ADGRL2: variants seen among roughly 807,000 people sequenced by gnomAD.
ADGRL2 encodes calcium-independent alpha-latrotoxin receptor 2.
In ADGRL2, 44 loss-of-function variants were observed where a neutral mutation model predicts 157.4. The observed-to-expected ratio is 0.28, with a 90% CI of 0.22 to 0.36. The LOEUF is 0.36. Among genes scored for constraint, ADGRL2 ranks in the 10% least tolerant of loss-of-function variants. The probability of loss-of-function intolerance (pLI) is 1.00; values close to 1 mark genes in which losing one functional copy is unlikely to be tolerated. For synonymous variants in ADGRL2, 585 were observed against 624.7 expected (o/e 0.94, Z 0.95); for missense variants, 1,510 against 1,768.9 (o/e 0.85, Z 2.63).
At chr1:81,814,633 A>G (rs2090203604) in intron 1 of ADGRL2, among the ~76,000 whole-genome samples, 1 of 151,420 alleles carries the variant, frequency 6.6e-6, no homozygotes, top group Admixed American at 6.6e-5. Context: ...AGAAATTAAT[A>G]TTTTTATTTT....
chr1:81,909,248 T>C (rs935549023), intron 3 of ADGRL2, among the ~76,000 whole-genome samples: 1 of 152,124 alleles, frequency 6.6e-6, no homozygotes, highest in African/African-American at 2.4e-5. Context: ...TAGTATTTAG[T>C]TTTAAGAGTT....
intron 2 of ADGRL2, among the ~76,000 whole-genome samples, chr1:81,876,193 T>C (rs1197454821): frequency 1.3e-5 from 2 of 152,154 alleles, no homozygotes; most frequent in Non-Finnish European, 2.9e-5. Context: ...TGTAGAGTTT[T>C]TGATGCCTTG....
intron 1 of ADGRL2, among the ~76,000 whole-genome samples, chr1:81,363,272 C>A (rs2076008922): frequency 6.6e-6 from 1 of 151,998 alleles, no homozygotes; most frequent in Non-Finnish European, 1.5e-5. Context: ...GATATTTCAG[C>A]AATTCCCTAG....
intron 2 of ADGRL2, among the ~76,000 whole-genome samples, chr1:81,784,587 G>A (rs2086949814): frequency 6.6e-6 from 1 of 152,048 alleles, no homozygotes; most frequent in African/African-American, 2.4e-5. Flanking sequence ...AATTAGCAGG[G>A]CATGGTGGTG....
chr1:81,456,284 A>T (rs2077804765), intron 2 of ADGRL2, among the ~76,000 whole-genome samples: 1 of 152,098 alleles, frequency 6.6e-6, no homozygotes, highest in Admixed American at 6.6e-5. Flanking sequence ...CAGTGACATT[A>T]TCATAGCTCA....
chr1:81,801,169 T>C (rs1156292458), intron 1 of ADGRL2, among the ~76,000 whole-genome samples, 101 bp downstream of exon 1: 1 of 152,210 alleles, frequency 6.6e-6, no homozygotes, highest in East Asian at 1.9e-4. Context: ...CAATGAGTTA[T>C]AGATTATCTG....
intron 2 of ADGRL2, among the ~76,000 whole-genome samples, chr1:81,541,787 TAAA>T (rs60783998): frequency 2.2e-5 from 3 of 134,086 alleles, no homozygotes; most frequent in African/African-American, 2.7e-5. Context: ...CCGTCTCTAC[TAAA>T]AAAAAAAAAA....
At chr1:81,517,027 G>A (rs2079193614) in intron 2 of ADGRL2, among the ~76,000 whole-genome samples, 1 of 151,964 alleles carries the variant, frequency 6.6e-6, no homozygotes, top group South Asian at 2.1e-4. Flanking sequence ...AATGCCTTTA[G>A]CCCATTTCAG....
chr1:81,602,517 G>A (rs1036623131), intron 3 of ADGRL2, among the ~76,000 whole-genome samples: 2 of 151,958 alleles, frequency 1.3e-5, no homozygotes, highest in African/African-American at 4.8e-5. Flanking sequence ...GCTTGAACCC[G>A]GGAAGCAGAG....
At chr1:81,456,306 A>T (rs150156207) in intron 2 of ADGRL2, among the ~76,000 whole-genome samples, 104 of 152,046 alleles carry the variant, frequency 6.8e-4, no homozygotes, top group Non-Finnish European at 1.2e-3. Context: ...TGTAGCCCCA[A>T]CCTCCTGGGC....
intron 1 of ADGRL2, among the ~76,000 whole-genome samples, chr1:81,420,255 T>A (rs539985933): frequency 6.6e-6 from 1 of 152,314 alleles, no homozygotes; most frequent in South Asian, 2.1e-4. Context: ...TTGGATACTA[T>A]CCTCCCTCCA....
intron 1 of ADGRL2, among the ~76,000 whole-genome samples, chr1:81,346,034 T>C (rs1188676289): frequency 6.6e-6 from 1 of 152,180 alleles, no homozygotes; most frequent in African/African-American, 2.4e-5. Context: ...TAGCAATACT[T>C]TGCCTTTCCA....
intron 17 of ADGRL2, 105 bp from the exon 18 acceptor site, chr1:81,979,763 AT>A: frequency 1.5e-6 from 1 of 645,840 alleles, no homozygotes; most frequent in Non-Finnish European, 2.7e-6. Context: ...CATAAAAAAA[AT>A]TATATCAGTA....
chr1:81,315,525 C>G (rs930395974), intron 1 of ADGRL2, among the ~76,000 whole-genome samples: 1 of 152,108 alleles, frequency 6.6e-6, no homozygotes, highest in Non-Finnish European at 1.5e-5. Flanking sequence ...TAATAATAGA[C>G]AGATATGGAT....
chr1:81,353,282 G>C (rs1663045824), intron 1 of ADGRL2, among the ~76,000 whole-genome samples: 1 of 152,126 alleles, frequency 6.6e-6, no homozygotes, highest in Non-Finnish European at 1.5e-5. Context: ...AGTTCAGATT[G>C]GGTCCTTTTA....
intron 1 of ADGRL2, among the ~76,000 whole-genome samples, chr1:81,404,574 C>T (rs1191785838): frequency 6.6e-6 from 1 of 152,182 alleles, no homozygotes; most frequent in Non-Finnish European, 1.5e-5. Context: ...CTCTCAGCCA[C>T]TTCACTCAGA....
chr1:81,429,139 T>C lies in ADGRL2; in HGVS notation c.-301-15897T>C, dbSNP rs1570943045. Among the ~76,000 whole-genome samples, 4 of 1,116 alleles carry C rather than the reference T, an allele frequency of 3.6e-3. No homozygotes were observed. In the Non-Finnish European group the frequency reaches 0.29, roughly 80 times the overall value. The allele number at this position is 1,116 out of a possible 152,430, so 0.7% of individuals were successfully genotyped here. On this transcript the variant is annotated intron_variant, in intron 1 of 24. Transcript: ENST00000370721. ...ACCCATGAGGCATTTCAAAAGCAGC[T>C]TTTTTTTTTTTTACAATGACCCACT...
At chr1:81,638,642 C>T (rs2082158235) in intron 3 of ADGRL2, among the ~76,000 whole-genome samples, 1 of 152,082 alleles carries the variant, frequency 6.6e-6, no homozygotes, top group Non-Finnish European at 1.5e-5. Flanking sequence ...ATACTGCAAA[C>T]TCTAGGGCAG....
intron 2 of ADGRL2, among the ~76,000 whole-genome samples, chr1:81,773,791 T>G (rs1369291262): frequency 1.3e-5 from 2 of 152,244 alleles, no homozygotes; most frequent in Non-Finnish European, 2.9e-5. Flanking sequence ...GGCTGAATTG[T>G]GTCGTCTCAA....
Sources: allele counts gnomAD v4.1 joint callset (sites outside exome capture counted in the v4.1 genomes callset), GRCh38; gene constraint gnomAD v4.1.1; transcripts MANE v1.5; gene names NCBI Gene and HGNC (gene_info 2026-07-23, HGNC 2026-07-21).